Variants in CD99L2 observed in about 807,000 individuals in gnomAD.
CD99L2 encodes CD99 molecule like 2.
In CD99L2, 24 loss-of-function variants were observed where a neutral mutation model predicts 27.3. That is an observed-to-expected ratio of 0.88 (90% CI 0.64 to 1.24). The LOEUF (loss-of-function observed/expected upper bound fraction) is 1.24, where lower values mean the gene tolerates loss of function less well. Among genes scored for constraint, CD99L2 ranks in the 50% most tolerant of loss-of-function variants. The pLI is 0.00. For missense variants in CD99L2, 255 were observed against 221.6 expected (o/e 1.15, Z -0.96); for synonymous variants, 97 against 87.9 (o/e 1.10, Z -0.58).
At chrX:150,865,039 C>T (rs1396522522) in intron 1 of CD99L2, among the ~76,000 whole-genome samples, 1 of 104,509 alleles carries the variant, frequency 9.6e-6, no homozygotes, top group African/African-American at 3.5e-5. Context: ...GTACTTCCAG[C>T]CTGGGAGACA....
In CD99L2 at chrX:150,824,643, A is replaced by G. The variant is rs782048698; in HGVS notation, c.130+6588T>C. Among the ~76,000 whole-genome samples, 290 of 70,158 alleles carry G rather than the reference A, an allele frequency of 4.1e-3. 2 individuals carry two copies. The highest frequency in any genetic ancestry group is 8.6e-3 in the East Asian group (20 of 2,318). 60.9% of individuals were successfully genotyped at this position (70,158 alleles called of 115,157 possible). A position where few individuals can be genotyped will look rare whatever the true frequency, so the allele number is the denominator to read the frequency against. ...GAAGAAGGAGGAGAAGAAGGAGGAG[A>G]AGAAGAAGAAGAAGAAGAAGAAGAG... On this transcript the variant is annotated intron_variant, in intron 2 of 10. Coordinates refer to ENST00000370377, the MANE Select transcript of CD99L2 (RefSeq NM_031462.4).
At chrX:150,898,054 A>ACCCCCCC (rs370763385) in intron 1 of CD99L2, among the ~76,000 whole-genome samples, 1 of 29,924 alleles carries the variant, frequency 3.3e-5, no homozygotes, top group Non-Finnish European at 7.6e-5. Flanking sequence ...CGCCTCGCTG[A>ACCCCCCC]CCCCCCCCCC....
chrX:150,887,709 C>A (rs782683283), intron 1 of CD99L2, among the ~76,000 whole-genome samples: 1 of 111,189 alleles, frequency 9.0e-6, no homozygotes, highest in African/African-American at 3.3e-5. Flanking sequence ...AACATCAGTG[C>A]TGAAGGGCTC....
At chrX:150,774,993 C>T (rs375407672) in intron 9 of CD99L2, among the ~76,000 whole-genome samples, 9 of 112,732 alleles carry the variant, frequency 8.0e-5, no homozygotes, top group East Asian at 5.6e-4. Context: ...TCGCAGGCTG[C>T]GCACTGACAT....
In CD99L2 at chrX:150,860,228, G is replaced by A. The variant is rs193060789; in HGVS notation, c.68-28935C>T. Among the ~76,000 whole-genome samples the A allele has an allele frequency of 7.3e-3, 820 of 111,918 alleles. 6 individuals carry two copies. Among genetic ancestry groups the A allele is most frequent in the Non-Finnish European group, 8.5e-3 (454 of 53,149 alleles). ...ACAAAATGAAGAACAAAAACCACACGATCATTTCAATAGACATAGAAAAAG... is the reference window on the plus strand; with the variant it reads ...ACAAAATGAAGAACAAAAACCACACAATCATTTCAATAGACATAGAAAAAG... On this transcript the variant is annotated intron_variant, in intron 1 of 10. Coordinates refer to ENST00000370377, the MANE Select transcript of CD99L2 (RefSeq NM_031462.4).
intron 1 of CD99L2, among the ~76,000 whole-genome samples, chrX:150,853,710 T>G (rs1046593058): frequency 3.6e-5 from 4 of 111,683 alleles, no homozygotes; most frequent in Admixed American, 2.8e-4. Flanking sequence ...GAAACTCCCT[T>G]GGGAAGACGA....
Position 150,807,935 on chromosome X carries a change from G to C in CD99L2, c.277+6927C>G, listed in dbSNP as rs184652121. ...ATTTAAGGGTGTTTAATTTTTGGCT[G>C]GTACAAAACACAAGAAATCACAAAC... On this transcript the variant is annotated intron_variant, in intron 4 of 10. Transcript: ENST00000370377. 2.7e-5 allele frequency among the ~76,000 whole-genome samples: 3 copies of C among 112,069 alleles called. No homozygotes were observed. In the Admixed American group the frequency reaches 2.8e-4, roughly 11 times the overall value.
At chrX:150,820,329 T>C (rs2046226601) in intron 2 of CD99L2, among the ~76,000 whole-genome samples, 1 of 111,446 alleles carries the variant, frequency 9.0e-6, no homozygotes. Flanking sequence ...CAACCACCAT[T>C]TCATGATAAA....
chrX:150,870,086 G>C (rs1281193705), intron 1 of CD99L2, among the ~76,000 whole-genome samples: 1 of 111,839 alleles, frequency 8.9e-6, no homozygotes, highest in Admixed American at 9.5e-5. Flanking sequence ...TTAAAGAACA[G>C]CCTGCCAGGA....
intron 1 of CD99L2, among the ~76,000 whole-genome samples, chrX:150,855,777 C>T (rs1421417332): frequency 1.8e-5 from 2 of 111,430 alleles, no homozygotes; most frequent in Non-Finnish European, 3.8e-5. Flanking sequence ...CACCAAGGAT[C>T]GCTACCAGCA....
Position 150,835,111 on chromosome X carries a change from G to T in CD99L2, c.68-3818C>A, listed in dbSNP as rs782090834. Among the ~76,000 whole-genome samples the T allele has an allele frequency of 2.8e-3, 312 of 112,031 alleles. 1 individual carries two copies. Among genetic ancestry groups the T allele is most frequent in the African/African-American group, 9.1e-3 (281 of 30,900 alleles). On this transcript the variant is annotated intron_variant, in intron 1 of 10. Coordinates refer to ENST00000370377, the MANE Select transcript of CD99L2 (RefSeq NM_031462.4). ...AGGGAGAAGTATGGGGAAAGGGAAA[G>T]TGTTGATTAAAGAACACAAAGTTTC...
At chrX:150,832,489 G>A (rs2046458952) in intron 1 of CD99L2, among the ~76,000 whole-genome samples, 1 of 111,338 alleles carries the variant, frequency 9.0e-6, no homozygotes, top group Non-Finnish European at 1.9e-5. Flanking sequence ...GCTGGGTGTG[G>A]TGGTGCATGC....
chrX:150,867,520 T>C (rs969006605), intron 1 of CD99L2, among the ~76,000 whole-genome samples: 1 of 111,771 alleles, frequency 8.9e-6, no homozygotes, highest in Non-Finnish European at 1.9e-5. Context: ...TCCCAGCACT[T>C]TGGGAGGCCA....
chrX:150,803,716 AG>A (rs2045953322), intron 4 of CD99L2, among the ~76,000 whole-genome samples: 1 of 112,073 alleles, frequency 8.9e-6, no homozygotes. Flanking sequence ...GGGCATCAAT[AG>A]GTAAAAACAA....
chrX:150,856,611 G>A (rs781902983), intron 1 of CD99L2, among the ~76,000 whole-genome samples: 26 of 104,732 alleles, frequency 2.5e-4, no homozygotes, highest in Non-Finnish European at 3.6e-4. Flanking sequence ...AAGACTACAC[G>A]CTGTGTGATC....
intron 1 of CD99L2, among the ~76,000 whole-genome samples, chrX:150,851,021 TAG>T (rs1269451296): frequency 1.8e-5 from 2 of 111,104 alleles, no homozygotes; most frequent in East Asian, 5.7e-4. Flanking sequence ...GTATTTTTAG[TAG>T]AGACAGGGTT....
chrX:150,791,002 A>G (rs992538420), intron 7 of CD99L2, among the ~76,000 whole-genome samples: 6 of 110,928 alleles, frequency 5.4e-5, no homozygotes, highest in African/African-American at 2.0e-4. Flanking sequence ...CCTTATAAGA[A>G]GAGACACCAG....
At chrX:150,862,693 G>C (rs1275074169) in intron 1 of CD99L2, among the ~76,000 whole-genome samples, 1 of 111,497 alleles carries the variant, frequency 9.0e-6, no homozygotes, top group African/African-American at 3.3e-5. Flanking sequence ...ACAAGCCTTT[G>C]CTGAGCTCTA....
intron 7 of CD99L2, among the ~76,000 whole-genome samples, chrX:150,787,674 T>G (rs2045615814): frequency 1.0e-5 from 1 of 96,083 alleles, no homozygotes; most frequent in Non-Finnish European, 2.0e-5. Flanking sequence ...ATGTTCTCAC[T>G]CATAGGTGGG....
Sources: allele counts gnomAD v4.1 joint callset (sites outside exome capture counted in the v4.1 genomes callset), GRCh38; gene constraint gnomAD v4.1.1; transcripts MANE v1.5; gene names NCBI Gene and HGNC (gene_info 2026-07-23, HGNC 2026-07-21).